MYO7B: variants seen among roughly 807,000 people sequenced by gnomAD.
The protein encoded by MYO7B is myosin VIIB, also known as unconventional myosin-VIIb.
Under a neutral mutation model 259.7 loss-of-function variants are expected in MYO7B, and 212 were observed. The observed-to-expected ratio is 0.82, with a 90% confidence interval of 0.73 to 0.91. The LOEUF is 0.91. Among genes scored for constraint, MYO7B ranks in the 40% least tolerant of loss-of-function variants. The pLI is 0.00. For missense variants in MYO7B, 2,732 were observed against 2,813.5 expected (o/e 0.97, Z 0.66); for synonymous variants, 1,197 against 1,166.4 (o/e 1.03, Z -0.54).
chr2:127,612,807 G>A (rs890603082), intron 26 of MYO7B, among the ~76,000 whole-genome samples: 10 of 152,190 alleles, frequency 6.6e-5, no homozygotes, highest in African/African-American at 1.9e-4. Context: ...AGTAAAACCC[G>A]GTTTTAGGAA....
At position 127,634,192 on chromosome 2, in the gene MYO7B, C is replaced by A. The variant is rs556699593; in HGVS notation, c.5528C>A (p.Ala1843Asp). 6.2e-7 allele frequency: 1 copy of A among 1,605,526 alleles called. No individual in the cohort carries two copies. Among genetic ancestry groups the A allele is most frequent in the African/African-American group, 1.3e-5 (1 of 74,854 alleles). ...TCTGTCCAGATGCTGGAGGTGGTTG[C>A]CAACACACGGGTGCGGGATGTGTGT... ...NDTSEMLEVV[A>D]NTRVRDVCDS... The change falls in exon 41 of 48, where the codon GCC (alanine) becomes GAC (aspartate). Residue 1843 changes from alanine (A) to aspartate (D), a missense_variant. Ala to Asp is a moderately radical substitution (Grantham distance 126). Around this residue, in one of 3 missense-constraint regions of MYO7B, gnomAD observed 821 missense variants for 769.3 expected, o/e 1.07. Transcript: ENST00000409816.
At position 127,584,656 on chromosome 2, in the gene MYO7B, T is replaced by C; in HGVS notation, c.1555-122T>C. ...CCCCTGGGCATTAGTTTCCTGTCTG[T>C]ACAAAGGCCCTCAATCATTCTGAGC... On this transcript the variant is annotated intron_variant, in intron 13 of 47. Coordinates refer to ENST00000409816, the MANE Select transcript of MYO7B (RefSeq NM_001393586.1). This position sits in a 1 kb window ranked among gnomAD's most constrained non-coding sequence, Gnocchi z 5.8. 8.2e-7 allele frequency: 1 copy of C among 1,225,488 alleles called. No individual in the cohort carries two copies. Among genetic ancestry groups the C allele is most frequent in the Non-Finnish European group, 1.1e-6 (1 of 873,322 alleles). The allele number at this position is 1,225,488 out of a possible 1,614,324, so 75.9% of individuals were successfully genotyped here.
At chr2:127,558,433 T>C (rs145521628) in intron 1 of MYO7B, among the ~76,000 whole-genome samples, 3,102 of 152,326 alleles carry the variant, frequency 0.02, 101 homozygotes, top group African/African-American at 0.067. Context: ...TGCAAAACAG[T>C]GTGGAGATTC....
intron 19 of MYO7B, among the ~76,000 whole-genome samples, chr2:127,602,234 G>A (rs183375881): frequency 7.9e-5 from 12 of 152,250 alleles, no homozygotes; most frequent in East Asian, 7.7e-4. Context: ...AGTATCTACC[G>A]CTGTCATCAT....
chr2:127,579,987 C>G (rs1417864599), intron 9 of MYO7B, among the ~76,000 whole-genome samples: 1 of 152,176 alleles, frequency 6.6e-6, no homozygotes, highest in Non-Finnish European at 1.5e-5. Context: ...GTGCTTACCT[C>G]CGGAGGAGAG....
At chr2:127,567,557 C>T (rs996762253) in intron 5 of MYO7B, among the ~76,000 whole-genome samples, 32 of 152,204 alleles carry the variant, frequency 2.1e-4, no homozygotes, top group African/African-American at 7.5e-4. Flanking sequence ...GGGGAGTCTG[C>T]ACCCGTTGTT....
chr2:127,549,559 C>T (rs544586278), intron 1 of MYO7B, among the ~76,000 whole-genome samples: 37 of 152,254 alleles, frequency 2.4e-4, no homozygotes, highest in African/African-American at 7.7e-4. Flanking sequence ...ATAGAAGACT[C>T]GGTGTTTCTT....
chr2:127,580,312 C>T (rs989563079), intron 9 of MYO7B, among the ~76,000 whole-genome samples: 3 of 152,176 alleles, frequency 2.0e-5, no homozygotes, highest in Non-Finnish European at 4.4e-5. Flanking sequence ...GCCTGGCTTA[C>T]AGCTGGAGCT....
At chr2:127,574,762 C>T (rs1169201223) in intron 7 of MYO7B, among the ~76,000 whole-genome samples, 3 of 152,180 alleles carry the variant, frequency 2.0e-5, no homozygotes, top group Non-Finnish European at 4.4e-5. Flanking sequence ...TGTTGTCACA[C>T]CAGGCCCTGT....
chr2:127,615,974 T>C lies in MYO7B; in HGVS notation c.3398+3371T>C, dbSNP rs1680556264. Among the ~76,000 whole-genome samples, 1 of 152,232 alleles carries C rather than the reference T, an allele frequency of 6.6e-6. No homozygotes were observed. Among genetic ancestry groups the C allele is most frequent in the Non-Finnish European group, 1.5e-5 (1 of 68,040 alleles). On this transcript the variant is annotated intron_variant, in intron 26 of 47. Coordinates refer to ENST00000409816, the MANE Select transcript of MYO7B (RefSeq NM_001393586.1). This position sits in a 1 kb window ranked among gnomAD's most constrained non-coding sequence, Gnocchi z 4.4. The stretch of plus-strand genomic sequence containing the variant: ...GCACCTACATGGTTTGTTCATTTCC[T>C]GTGAAAACACAAGCATACCCTCGTT...
chr2:127,570,929 T>G (rs1334503360), intron 6 of MYO7B, among the ~76,000 whole-genome samples: 1 of 152,178 alleles, frequency 6.6e-6, no homozygotes, highest in Non-Finnish European at 1.5e-5. Context: ...CAGTGATTCA[T>G]TCCTTTTTAA....
intron 1 of MYO7B, among the ~76,000 whole-genome samples, chr2:127,536,588 C>T (rs7572181): frequency 0.14 from 20,827 of 151,962 alleles, 2,329 homozygotes; most frequent in African/African-American, 0.29. Context: ...GAGGACGAAA[C>T]TTGAGACACA....
rs1046159216 is a variant in MYO7B at position 127,546,006 on chromosome 2, C to G, written c.-24+10175C>G. ...CTCCTTTGGGTGGTGGCCCTTCCAA[C>G]CTGTGTTCTTCTTGAGTGATGGCTT... On this transcript the variant is annotated intron_variant, in intron 1 of 47. Transcript: ENST00000409816. This position sits in a 1 kb window ranked among gnomAD's most constrained non-coding sequence, Gnocchi z 4.2. Among the ~76,000 whole-genome samples, 3 of 152,226 alleles carry G rather than the reference C, an allele frequency of 2.0e-5. No homozygotes were observed. Among genetic ancestry groups the G allele is most frequent in the Non-Finnish European group, 2.9e-5 (2 of 68,048 alleles).
At chr2:127,543,905 C>T (rs570696100) in intron 1 of MYO7B, among the ~76,000 whole-genome samples, 2 of 151,964 alleles carry the variant, frequency 1.3e-5, no homozygotes, top group Non-Finnish European at 2.9e-5. Context: ...CCACCACACC[C>T]GGCTCATTTT....
rs1336429007 is a variant in MYO7B, at chr2:127,627,914, C to G, written c.4461-458C>G. On this transcript the variant is annotated intron_variant, in intron 33 of 47. Coordinates refer to ENST00000409816, the MANE Select transcript of MYO7B (RefSeq NM_001393586.1). This position sits in a 1 kb window ranked among gnomAD's most constrained non-coding sequence, Gnocchi z 5.6. ...GGTGTACAGTGGCCACCACTCCCCA[C>G]TGGCCACCTCTCACTGAGGCTGACC... 2.2e-6 allele frequency: 1 copy of G among 459,920 alleles called. No individual in the cohort carries two copies. Among genetic ancestry groups the G allele is most frequent in the South Asian group, 1.5e-5 (1 of 64,604 alleles). The allele number at this position is 459,920 out of a possible 1,614,324, so 28.5% of individuals were successfully genotyped here. A position where few individuals can be genotyped will look rare whatever the true frequency, so the allele number is the denominator to read the frequency against.
At chr2:127,538,033 C>T (rs1692857246) in intron 1 of MYO7B, among the ~76,000 whole-genome samples, 1 of 152,126 alleles carries the variant, frequency 6.6e-6, no homozygotes, top group African/African-American at 2.4e-5. Flanking sequence ...GACCCATGTA[C>T]ACCAGAGGCA....
Position 127,569,829 on chromosome 2 carries a change from A to T in MYO7B, c.511A>T (p.Ile171Phe). ...GAGKTETTKL[I>F]LQFLATISGQ... ...TGGCAAGACGGAGACCACCAAGCTCATCCTGCAGTTCCTGGCCACCATCAG... is the reference window on the plus strand; with the variant it reads ...TGGCAAGACGGAGACCACCAAGCTCTTCCTGCAGTTCCTGGCCACCATCAG... Residue 171 changes from isoleucine (I) to phenylalanine (F), a missense_variant, in exon 6 of 48, where the codon ATC becomes TTC. This residue lies in a region of MYO7B where 1,906 missense variants were observed against 2,026.4 expected (regional missense o/e 0.94). Transcript: ENST00000409816. 1 of 1,612,876 alleles carries T rather than the reference A, an allele frequency of 6.2e-7. No homozygotes were observed. Among genetic ancestry groups the T allele is most frequent in the Non-Finnish European group, 8.5e-7 (1 of 1,179,096 alleles).
intron 35 of MYO7B, 43 bp downstream of exon 35, chr2:127,629,869 T>C (rs1040081493): frequency 6.6e-7 from 1 of 1,518,766 alleles, no homozygotes; most frequent in South Asian, 1.3e-5. Flanking sequence ...GTACCCGAGG[T>C]CAGGGTGGAG....
rs779653732 is a variant in MYO7B at position 127,632,342 on chromosome 2, C to T, written c.5346C>T (p.Asp1782=). The change falls in exon 39 of 48, where the codon GAC becomes GAT. Residue 1782 remains aspartate, a synonymous_variant. Coordinates refer to ENST00000409816, the MANE Select transcript of MYO7B (RefSeq NM_001393586.1). ...GLLPHAQKFI[D]TRRGKLLAPD... ...TGCCCCATGCCCAGAAGTTTATAGA[C>T]ACTCGGAGGGGGAAGCTGCTGGCCC... The T allele has an allele frequency of 3.1e-6, 5 of 1,603,976 alleles. No individual in the cohort carries two copies. In the South Asian group the frequency reaches 5.5e-5, roughly 18 times the overall value.
Sources: allele counts gnomAD v4.1 joint callset (sites outside exome capture counted in the v4.1 genomes callset), GRCh38; gene constraint gnomAD v4.1.1; regional missense constraint gnomAD v4.1.1; non-coding constraint Gnocchi (gnomAD v3.1); transcripts MANE v1.5; gene names NCBI Gene and HGNC (gene_info 2026-07-23, HGNC 2026-07-21).